Variants in PCDH11X observed in about 807,000 individuals in gnomAD.
PCDH11X encodes the protein protocadherin-11 X-linked.
Under a neutral mutation model 53.3 loss-of-function variants are expected in PCDH11X, and 18 were observed. That is an observed-to-expected ratio of 0.34 (90% CI 0.23 to 0.50). PCDH11X has a LOEUF of 0.50. Ranked by LOEUF, PCDH11X falls within the 20% of genes least tolerant of loss-of-function variation. The pLI is 0.98. For synonymous variants in PCDH11X, 279 were observed against 393.3 expected (o/e 0.71, Z 3.44); for missense variants, 570 against 1,032.4 (o/e 0.55, Z 6.14).
intron 9 of PCDH11X, chrX:92,460,086 C>T (rs1302615062): frequency 1.7e-5 from 18 of 1,038,304 alleles, no homozygotes; most frequent in Admixed American, 2.2e-5. Context: ...CTCAGATCTT[C>T]GCAAATACTG....
chrX:92,377,131 T>C (rs2070770355), intron 8 of PCDH11X, among the ~76,000 whole-genome samples: 1 of 111,799 alleles, frequency 8.9e-6, no homozygotes. Flanking sequence ...TCTTTTAAAA[T>C]TGTAAAATAT....
chrX:91,831,270 G>A (rs1355333750), intron 4 of PCDH11X, among the ~76,000 whole-genome samples: 1 of 109,809 alleles, frequency 9.1e-6, no homozygotes, highest in East Asian at 2.9e-4. Context: ...GGGCACTACT[G>A]GAACTTGTCA....
intron 8 of PCDH11X, among the ~76,000 whole-genome samples, chrX:92,337,205 C>T (rs763766168): frequency 9.4e-4 from 102 of 108,116 alleles, no homozygotes; most frequent in Middle Eastern, 4.7e-3. Flanking sequence ...AGGAAATTTG[C>T]ATTTGTTAAT....
Position 91,789,200 on chromosome X carries a change from CAAAA to C in PCDH11X, c.-379+9536_-379+9539del, listed in dbSNP as rs764959497. ...CTGGCAACAGAGCAGGACTCCGTCT[CAAAA>C]AAAAAAAAAAAAAAAAAAAGAAAAG... On this transcript the variant is annotated intron_variant, in intron 1 of 10. Coordinates refer to ENST00000682573, the MANE Select transcript of PCDH11X (RefSeq NM_032968.5). Among the ~76,000 whole-genome samples the C allele has an allele frequency of 2.5e-3, 117 of 47,177 alleles. 1 individual carries two copies. Among genetic ancestry groups the C allele is most frequent in the African/African-American group, 7.5e-3 (109 of 14,474 alleles). 41.0% of individuals were successfully genotyped at this position (47,177 alleles called of 115,157 possible).
chrX:92,594,930 C>G (rs1416298855), intron 10 of PCDH11X, among the ~76,000 whole-genome samples: 2 of 109,104 alleles, frequency 1.8e-5, no homozygotes, highest in Admixed American at 2.0e-4. Context: ...GCAAAGTACC[C>G]TCCTGTGAGC....
At chrX:91,979,140 A>G (rs1356048107) in intron 6 of PCDH11X, among the ~76,000 whole-genome samples, 3 of 110,344 alleles carry the variant, frequency 2.7e-5, no homozygotes, top group African/African-American at 9.9e-5. Context: ...ATATGCTTGT[A>G]ACAAACATGA....
intron 8 of PCDH11X, among the ~76,000 whole-genome samples, chrX:92,335,793 T>C (rs2069601686): frequency 8.9e-6 from 1 of 112,095 alleles, no homozygotes; most frequent in South Asian, 3.6e-4. Context: ...GCCAGTATCA[T>C]ATAAATAAAT....
rs757170924 is a variant in PCDH11X at position 92,031,332 on chromosome X, AT to A, written c.3033+152067del. Among the ~76,000 whole-genome samples the A allele has an allele frequency of 1.9e-4, 20 of 106,158 alleles. No individual in the cohort carries two copies. The East Asian group carries it at 3.9e-3, about 21-fold the overall frequency. The allele number at this position is 106,158 out of a possible 115,157, so 92.2% of individuals were successfully genotyped here. ...TGCCCATTTTTAATCGGATTATTAG[AT>A]TTTTTTTCCTACAGAGTTGTTTAAC... is the stretch of plus-strand genomic sequence containing the variant. On this transcript the variant is annotated intron_variant, in intron 6 of 10. Transcript: ENST00000682573.
chrX:92,410,162 A>G (rs965511574), intron 9 of PCDH11X, among the ~76,000 whole-genome samples: 4 of 111,407 alleles, frequency 3.6e-5, no homozygotes, highest in Non-Finnish European at 7.5e-5. Context: ...TCTCTTATGC[A>G]TTTCAGTTTT....
intron 10 of PCDH11X, among the ~76,000 whole-genome samples, chrX:92,478,044 G>T (rs939066723): frequency 1.8e-5 from 2 of 109,806 alleles, no homozygotes; most frequent in African/African-American, 6.7e-5. Context: ...TTGGCCTTGT[G>T]ATAATGAATG....
chrX:92,024,351 G>A (rs2062934025), intron 6 of PCDH11X, among the ~76,000 whole-genome samples: 2 of 110,768 alleles, frequency 1.8e-5, no homozygotes, highest in East Asian at 5.7e-4. Flanking sequence ...AAAATCACAA[G>A]CATTCCTATA....
chrX:92,461,167 A>C (rs1306259803), intron 9 of PCDH11X, among the ~76,000 whole-genome samples: 1 of 110,177 alleles, frequency 9.1e-6, no homozygotes, highest in Non-Finnish European at 1.9e-5. Flanking sequence ...AATTCCTATC[A>C]AAACACCGAT....
At chrX:92,193,381 G>C (rs1169745226) in intron 6 of PCDH11X, among the ~76,000 whole-genome samples, 1 of 110,809 alleles carries the variant, frequency 9.0e-6, no homozygotes. Flanking sequence ...TTGTTTTTTG[G>C]TGGGGACAAG....
intron 6 of PCDH11X, among the ~76,000 whole-genome samples, chrX:91,944,023 T>TTGTGTGTGTGTGTGTG (rs755497548): frequency 3.6e-4 from 23 of 63,938 alleles, no homozygotes; most frequent in South Asian, 8.5e-4. Context: ...ATCTCCTGGA[T>TTGTGTGTGTGTGTGTG]TGTGTGTGTG....
chrX:92,141,444 T>C (rs1275273337), intron 6 of PCDH11X, among the ~76,000 whole-genome samples: 2 of 111,875 alleles, frequency 1.8e-5, no homozygotes, highest in Admixed American at 1.9e-4. Context: ...TTAAAAGATA[T>C]CACATCTTAA....
chrX:92,216,249 A>T (rs1050367015), intron 7 of PCDH11X, among the ~76,000 whole-genome samples: 3 of 110,676 alleles, frequency 2.7e-5, no homozygotes, highest in Non-Finnish European at 5.7e-5. Flanking sequence ...TGATCAAACT[A>T]CTCCGAGCTA....
rs1941745997 is a variant in PCDH11X at position 91,921,718 on chromosome X, T to C, written c.3033+42445T>C. The stretch of plus-strand genomic sequence containing the variant: ...ATTTATTCATTAACCTACTGAAGGA[T>C]ATCTTGGTTACATTCAAATTTTGGC... On this transcript the variant is annotated intron_variant, in intron 6 of 10. Coordinates refer to ENST00000682573, the MANE Select transcript of PCDH11X (RefSeq NM_032968.5). 2.8e-5 allele frequency among the ~76,000 whole-genome samples: 3 copies of C among 105,932 alleles called. No homozygotes were observed. In the Admixed American group the frequency reaches 3.0e-4, roughly 11 times the overall value. 92.0% of individuals were successfully genotyped at this position (105,932 alleles called of 115,157 possible).
intron 5 of PCDH11X, among the ~76,000 whole-genome samples, chrX:91,849,451 C>G (rs1937885934): frequency 9.1e-6 from 1 of 109,692 alleles, no homozygotes; most frequent in Admixed American, 9.8e-5. Context: ...ACCCTCCACC[C>G]TAAAGTAGGC....
chrX:91,793,257 A>T (rs181563495), intron 1 of PCDH11X, among the ~76,000 whole-genome samples: 1 of 108,053 alleles, frequency 9.3e-6, no homozygotes, highest in East Asian at 2.9e-4. Context: ...ACAATAATAG[A>T]TCCTTGTTCT....
Sources: allele counts gnomAD v4.1 joint callset (sites outside exome capture counted in the v4.1 genomes callset), GRCh38; gene constraint gnomAD v4.1.1; transcripts MANE v1.5; gene names NCBI Gene and HGNC (gene_info 2026-07-23, HGNC 2026-07-21).